Variants in TMEM26 observed in about 807,000 individuals in gnomAD.
TMEM26 encodes the protein transmembrane protein 26.
A neutral mutation model predicts 28.8 loss-of-function variants in TMEM26; 38 were observed. The ratio of observed to expected loss-of-function variants is 1.32; its 90% CI spans 1.02 to 1.73. TMEM26 has a LOEUF of 1.73. Ranked by LOEUF, TMEM26 falls within the 40% of genes most tolerant of loss-of-function variation. The pLI is 0.00. For missense variants in TMEM26, 518 were observed against 447.1 expected (o/e 1.16, Z -1.43); for synonymous variants, 227 against 182.9 (o/e 1.24, Z -1.95).
intron 4 of TMEM26, 112 bp downstream of exon 4, chr10:61,428,814 A>G (rs1481564700): frequency 1.1e-6 from 1 of 905,416 alleles, no homozygotes; most frequent in Non-Finnish European, 1.7e-6. Context: ...AACGTTGCAT[A>G]TAAAATATAC....
At chr10:61,423,689 C>G (rs1839784091) in intron 4 of TMEM26, among the ~76,000 whole-genome samples, 1 of 152,092 alleles carries the variant, frequency 6.6e-6, no homozygotes, top group Admixed American at 6.6e-5. Context: ...GGTGATCACA[C>G]TGGGTGGTGC....
In TMEM26 at chr10:61,441,804, A is replaced by G. The variant is rs553094932; in HGVS notation, c.192-5556T>C. Among the ~76,000 whole-genome samples the G allele has an allele frequency of 3.3e-5, 5 of 152,346 alleles. No homozygotes were observed. The South Asian group carries it at 1.0e-3, about 32-fold the overall frequency. Reference sequence around the variant, plus strand: ...TTTATTAGAATCCCAATTACCTGTCAGAATACCAAACTTGTCCAATATGAA... The same window carrying G: ...TTTATTAGAATCCCAATTACCTGTCGGAATACCAAACTTGTCCAATATGAA... On this transcript the variant is annotated intron_variant, in intron 1 of 5. Coordinates refer to ENST00000399298, the MANE Select transcript of TMEM26 (RefSeq NM_178505.8).
chr10:61,417,447 G>A (rs376441636), intron 4 of TMEM26, among the ~76,000 whole-genome samples: 5 of 149,004 alleles, frequency 3.4e-5, no homozygotes, highest in African/African-American at 1.2e-4. Flanking sequence ...GACAGAATCA[G>A]TGGATAGAAT....
intron 4 of TMEM26, among the ~76,000 whole-genome samples, chr10:61,417,148 G>GAAA (rs1839666006): frequency 2.6e-5 from 4 of 151,938 alleles, no homozygotes; most frequent in African/African-American, 9.7e-5. Context: ...AGGAATTTTG[G>GAAA]GTGGATTTAT....
rs1564470649 is a variant in TMEM26 at position 61,410,445 on chromosome 10, G to T, written c.984C>A (p.Cys328Ter). 1 of 1,614,078 alleles carries T rather than the reference G, an allele frequency of 6.2e-7. No homozygotes were observed. Among genetic ancestry groups the T allele is most frequent in the East Asian group, 2.2e-5 (1 of 44,856 alleles). The stretch of plus-strand genomic sequence containing the variant: ...GCCCACTCTCAGAGGTCTGTGCCCG[G>T]CAACCATGTTCTCCTTTCAGGCCTT... ...QSEGLKGEHG[C>*]RAQTSESGPS... Residue 328 changes from cysteine to a stop codon, truncating the protein, a stop_gained, in exon 6 of 6, where the codon TGC (cysteine) becomes TGA (stop). Coordinates refer to ENST00000399298, the MANE Select transcript of TMEM26 (RefSeq NM_178505.8). LOFTEE classifies it low-confidence loss of function (END_TRUNC).
At chr10:61,415,314 C>A (rs575644965) in intron 4 of TMEM26, among the ~76,000 whole-genome samples, 2 of 152,156 alleles carry the variant, frequency 1.3e-5, no homozygotes, top group African/African-American at 4.8e-5. Context: ...GGTTGCTTCA[C>A]AAGAAATATA....
chr10:61,428,432 C>G (rs568361283), intron 4 of TMEM26, among the ~76,000 whole-genome samples: 1 of 152,250 alleles, frequency 6.6e-6, no homozygotes, highest in South Asian at 2.1e-4. Flanking sequence ...TCATCTGCCC[C>G]ATTCTCCATA....
At chr10:61,421,646 C>T (rs2135298232) in intron 4 of TMEM26, among the ~76,000 whole-genome samples, 1 of 152,148 alleles carries the variant, frequency 6.6e-6, no homozygotes, top group African/African-American at 2.4e-5. Context: ...TATCAACAAA[C>T]AAAGGGACAC....
At position 61,428,976 on chromosome 10, in the gene TMEM26, C is replaced by T. The variant is rs1209166913; in HGVS notation, c.555G>A (p.Ala185=). 1.2e-6 allele frequency: 2 copies of T among 1,613,146 alleles called. No individual in the cohort carries two copies. Among genetic ancestry groups the T allele is most frequent in the Non-Finnish European group, 1.7e-6 (2 of 1,179,430 alleles). ...CACTTGTGAATTCCAGTATGTCAGC[C>T]GCTGTCCCCACAAACATAAGAAGAA... ...SQLLLMFVGT[A]ADILEFTSET... Residue 185 remains alanine (A), a synonymous_variant, in exon 4 of 6, where the codon GCG becomes GCA. Transcript: ENST00000399298.
intron 4 of TMEM26, among the ~76,000 whole-genome samples, chr10:61,416,878 C>T (rs1382756775): frequency 6.6e-6 from 1 of 151,976 alleles, no homozygotes; most frequent in East Asian, 1.9e-4. Context: ...CTACATAAAT[C>T]CAACTTTAAC....
intron 4 of TMEM26, among the ~76,000 whole-genome samples, chr10:61,418,787 A>T (rs1056080540): frequency 5.9e-5 from 9 of 152,112 alleles, no homozygotes; most frequent in African/African-American, 1.9e-4. Context: ...TTAAAGTGAG[A>T]GCTATAGAAG....
intron 4 of TMEM26, among the ~76,000 whole-genome samples, chr10:61,419,433 T>G (rs1185644883): frequency 6.6e-6 from 1 of 152,106 alleles, no homozygotes; most frequent in East Asian, 1.9e-4. Context: ...TAAAGAAAAG[T>G]CTCATGGCAA....
chr10:61,440,119 A>G (rs1426104202), intron 1 of TMEM26, among the ~76,000 whole-genome samples: 1 of 152,086 alleles, frequency 6.6e-6, no homozygotes, highest in African/African-American at 2.4e-5. Flanking sequence ...TTGCACCTGT[A>G]ATCCCAGGTA....
chr10:61,409,861 T>C lies in TMEM26; in HGVS notation c.*461A>G, dbSNP rs1839540667. ...ACAGTGAGGTAATTTTAAAGGCACTTTTCCCTTCATTTGTTCTGCATTCAC... is the reference window on the plus strand; with the variant it reads ...ACAGTGAGGTAATTTTAAAGGCACTCTTCCCTTCATTTGTTCTGCATTCAC... On this transcript the variant is annotated 3_prime_UTR_variant, in exon 6 of 6. Coordinates refer to ENST00000399298, the MANE Select transcript of TMEM26 (RefSeq NM_178505.8). The C allele has an allele frequency of 6.2e-6, 1 of 161,148 alleles. No individual in the cohort carries two copies. The highest frequency in any genetic ancestry group is 5.9e-5 in the Admixed American group (1 of 17,000). 10.0% of individuals were successfully genotyped at this position (161,148 alleles called of 1,614,324 possible).
intron 4 of TMEM26, among the ~76,000 whole-genome samples, chr10:61,420,761 T>C (rs1213842398): frequency 2.6e-5 from 4 of 151,358 alleles, no homozygotes; most frequent in African/African-American, 4.8e-5. Flanking sequence ...TTACTACACA[T>C]TTGCCTTAGG....
At chr10:61,415,983 A>C (rs1444586495) in intron 4 of TMEM26, 1 of 395,464 alleles carries the variant, frequency 2.5e-6, no homozygotes, top group African/African-American at 2.1e-5. Context: ...ATTCAGGCTC[A>C]AAGGATTTCA....
intron 1 of TMEM26, among the ~76,000 whole-genome samples, chr10:61,438,667 A>G (rs1478565835): frequency 6.6e-6 from 1 of 152,196 alleles, no homozygotes; most frequent in Non-Finnish European, 1.5e-5. Flanking sequence ...TATTTCCTCT[A>G]ATTGGGAAAC....
intron 1 of TMEM26, 48 bp from the exon 2 acceptor site, chr10:61,436,296 T>A (rs1840007494): frequency 7.6e-7 from 1 of 1,307,268 alleles, no homozygotes; most frequent in African/African-American, 1.5e-5. Flanking sequence ...TAAGCTAATT[T>A]TCCAAAAAAA....
chr10:61,451,149 T>C (rs1840272509), intron 1 of TMEM26, among the ~76,000 whole-genome samples: 1 of 152,198 alleles, frequency 6.6e-6, no homozygotes, highest in Non-Finnish European at 1.5e-5. Context: ...ATAACTTGAC[T>C]TATTGACCAT....
Sources: gnomAD v4.1 joint callset for allele counts (sites outside exome capture counted in the v4.1 genomes callset) on GRCh38, gnomAD v4.1.1 for gene constraint, MANE v1.5 for transcripts, NCBI Gene and HGNC (gene_info 2026-07-23, HGNC 2026-07-21) for gene names.